Variants in ATRNL1 observed in about 807,000 individuals in gnomAD.
ATRNL1 encodes the protein attractin-like protein 1.
Under a neutral mutation model 182.7 loss-of-function variants are expected in ATRNL1, and 95 were observed. The ratio of observed to expected loss-of-function variants is 0.52; its 90% CI spans 0.44 to 0.62. The LOEUF is 0.62. Among genes scored for constraint, ATRNL1 ranks in the 20% least tolerant of loss-of-function variants. The probability of loss-of-function intolerance (pLI) is 0.00; values close to 1 mark genes in which losing one functional copy is unlikely to be tolerated. For synonymous variants in ATRNL1, 576 were observed against 568.3 expected (o/e 1.01, Z -0.19); for missense variants, 1,471 against 1,679.5 (o/e 0.88, Z 2.17).
chr10:115,258,409 A>G (rs1851249849), intron 10 of ATRNL1, among the ~76,000 whole-genome samples: 1 of 151,942 alleles, frequency 6.6e-6, no homozygotes, highest in Non-Finnish European at 1.5e-5. Flanking sequence ...TGAATCAGCT[A>G]TTGAAACTTG....
chr10:115,389,556 A>ATATATATATG (rs1843889040), intron 19 of ATRNL1, among the ~76,000 whole-genome samples: 1 of 75,284 alleles, frequency 1.3e-5, no homozygotes. Context: ...ATATATATAT[A>ATATATATATG]TATATATATA....
At chr10:115,448,214 T>C (rs889461927) in intron 21 of ATRNL1, among the ~76,000 whole-genome samples, 1 of 152,166 alleles carries the variant, frequency 6.6e-6, no homozygotes, top group Admixed American at 6.6e-5. Context: ...CTCTTGATCT[T>C]TGTTAAAAAT....
intron 22 of ATRNL1, among the ~76,000 whole-genome samples, chr10:115,466,193 A>C (rs1848045368): frequency 6.6e-6 from 1 of 151,444 alleles, no homozygotes; most frequent in Non-Finnish European, 1.5e-5. Flanking sequence ...TTCTCCTAAG[A>C]GCCACTTAGA....
chr10:115,659,375 T>C (rs549699812), intron 26 of ATRNL1, among the ~76,000 whole-genome samples: 3 of 152,208 alleles, frequency 2.0e-5, no homozygotes, highest in Admixed American at 1.3e-4. Context: ...ATCTGCTTGG[T>C]GTTTCCATGA....
At chr10:115,641,268 C>G (rs1456877342) in intron 26 of ATRNL1, among the ~76,000 whole-genome samples, 1 of 152,046 alleles carries the variant, frequency 6.6e-6, no homozygotes. Flanking sequence ...TTATAGCTTC[C>G]TTTCTAAGTC....
At chr10:115,446,150 T>C (rs565678787) in intron 21 of ATRNL1, among the ~76,000 whole-genome samples, 77 of 152,152 alleles carry the variant, frequency 5.1e-4, no homozygotes, top group African/African-American at 1.8e-3. Flanking sequence ...GTGCTACCCT[T>C]CAACTCATTA....
At chr10:115,713,607 G>A (rs1425720337) in intron 26 of ATRNL1, among the ~76,000 whole-genome samples, 1 of 37,318 alleles carries the variant, frequency 2.7e-5, no homozygotes, top group Non-Finnish European at 5.4e-5. Flanking sequence ...TGCACATTCT[G>A]TTTATATATA....
intron 27 of ATRNL1, among the ~76,000 whole-genome samples, chr10:115,802,021 A>AACACACACACACACACAC (rs60513803): frequency 0.096 from 12,044 of 125,748 alleles, 759 homozygotes; most frequent in East Asian, 0.16. Flanking sequence ...AAAAAAAAGA[A>AACACACACACACACACAC]ACACACACAC....
intron 27 of ATRNL1, among the ~76,000 whole-genome samples, chr10:115,780,096 C>T (rs1302434046): frequency 6.6e-6 from 1 of 152,208 alleles, no homozygotes; most frequent in African/African-American, 2.4e-5. Flanking sequence ...ACTGCCACTC[C>T]TCCTTCATCC....
At chr10:115,463,787 A>T (rs1485182511) in intron 22 of ATRNL1, among the ~76,000 whole-genome samples, 1 of 152,034 alleles carries the variant, frequency 6.6e-6, no homozygotes, top group Non-Finnish European at 1.5e-5. Flanking sequence ...TTCATTTAGC[A>T]TAGTGTTTCC....
intron 13 of ATRNL1, among the ~76,000 whole-genome samples, chr10:115,274,217 G>C (rs1554914200): frequency 6.6e-6 from 1 of 152,164 alleles, no homozygotes; most frequent in Admixed American, 6.5e-5. Flanking sequence ...GGCAGAGCTT[G>C]TATAGTACTC....
chr10:115,543,706 A>G (rs1852487935), intron 25 of ATRNL1, among the ~76,000 whole-genome samples: 1 of 152,156 alleles, frequency 6.6e-6, no homozygotes, highest in Admixed American at 6.6e-5. Context: ...TATGTTACTT[A>G]TATTGAATTC....
chr10:115,137,391 C>T (rs1437187855), intron 5 of ATRNL1, among the ~76,000 whole-genome samples: 2 of 152,240 alleles, frequency 1.3e-5, no homozygotes, highest in South Asian at 2.1e-4. Context: ...CCAAATTTCT[C>T]ATGCTGCCTT....
intron 18 of ATRNL1, among the ~76,000 whole-genome samples, chr10:115,318,992 G>A (rs970674417): frequency 9.9e-5 from 15 of 151,948 alleles, no homozygotes; most frequent in East Asian, 1.9e-4. Context: ...TTAGGGTGTC[G>A]ATTTGAGATC....
At chr10:115,487,036 A>G (rs1849060303) in intron 24 of ATRNL1, among the ~76,000 whole-genome samples, 1 of 152,198 alleles carries the variant, frequency 6.6e-6, no homozygotes, top group Non-Finnish European at 1.5e-5. Context: ...TTTGTCAAAG[A>G]TCAGATGGTT....
chr10:115,778,852 T>C (rs1218124798), intron 27 of ATRNL1, among the ~76,000 whole-genome samples: 3 of 152,174 alleles, frequency 2.0e-5, no homozygotes, highest in African/African-American at 7.2e-5. Flanking sequence ...AATGAGGACG[T>C]GAACCAAGGA....
chr10:115,796,834 C>A lies in ATRNL1; in HGVS notation c.3904-51043C>A, dbSNP rs56202740. Among the ~76,000 whole-genome samples the A allele has an allele frequency of 4.3e-3, 656 of 152,252 alleles. 1 individual carries two copies. Among genetic ancestry groups the A allele is most frequent in the Middle Eastern group, 6.8e-3 (2 of 294 alleles). ...AATTTGCTAACAATATAAATTAAAT[C>A]TATTGATTTATTTTGAAATCATAAA... is the stretch of plus-strand genomic sequence containing the variant. On this transcript the variant is annotated intron_variant, in intron 27 of 28. Transcript: ENST00000355044.
At chr10:115,386,968 G>A (rs1370811942) in intron 19 of ATRNL1, among the ~76,000 whole-genome samples, 2 of 151,628 alleles carry the variant, frequency 1.3e-5, no homozygotes, top group Non-Finnish European at 2.9e-5. Flanking sequence ...ACATGCACAC[G>A]TATGTTTATT....
chr10:115,812,895 T>C (rs1950079136), intron 27 of ATRNL1, among the ~76,000 whole-genome samples: 1 of 152,150 alleles, frequency 6.6e-6, no homozygotes, highest in African/African-American at 2.4e-5. Flanking sequence ...TGCCTTTCCC[T>C]ACTTTCGCTT....
Sources: gnomAD v4.1 joint callset for allele counts (sites outside exome capture counted in the v4.1 genomes callset) on GRCh38, gnomAD v4.1.1 for gene constraint, MANE v1.5 for transcripts, NCBI Gene and HGNC (gene_info 2026-07-23, HGNC 2026-07-21) for gene names.